Variants in CREB5 observed in about 807,000 individuals in gnomAD.
The protein encoded by CREB5 is cyclic AMP-responsive element-binding protein 5.
In CREB5, 19 loss-of-function variants were observed where a neutral mutation model predicts 57.1. The observed-to-expected ratio is 0.33, with a 90% CI of 0.23 to 0.49. CREB5 has a LOEUF of 0.49. CREB5 is among the 20% of genes least tolerant of loss of function. CREB5 has a pLI of 0.99. For synonymous variants in CREB5, 238 were observed against 238.3 expected (o/e 1.00, Z 0.01); for missense variants, 579 against 671.6 (o/e 0.86, Z 1.52).
intron 3 of CREB5, among the ~76,000 whole-genome samples, chr7:28,504,809 AT>A (rs1470942745): frequency 6.6e-6 from 1 of 152,064 alleles, no homozygotes; most frequent in Non-Finnish European, 1.5e-5. Context: ...ATCCTTGGGG[AT>A]TTCTTTGACA....
intron 3 of CREB5, among the ~76,000 whole-genome samples, chr7:28,507,235 T>C (rs1019197974): frequency 2.0e-4 from 31 of 152,298 alleles, no homozygotes; most frequent in African/African-American, 7.5e-4. Context: ...AGATTTTTTT[T>C]TGGCCTTATT....
At chr7:28,778,093 G>A (rs1445494710) in intron 7 of CREB5, among the ~76,000 whole-genome samples, 1 of 152,118 alleles carries the variant, frequency 6.6e-6, no homozygotes, top group Non-Finnish European at 1.5e-5. Context: ...ATTATGGTGG[G>A]AAAGATGACA....
At chr7:28,666,591 A>G (rs1356497819) in intron 5 of CREB5, among the ~76,000 whole-genome samples, 3 of 152,230 alleles carry the variant, frequency 2.0e-5, no homozygotes, top group Middle Eastern at 3.4e-3. Flanking sequence ...GATAGCCCAA[A>G]GAAAGGGAAG....
intron 1 of CREB5, among the ~76,000 whole-genome samples, chr7:28,402,538 A>T (rs1008235767): frequency 6.6e-6 from 1 of 152,208 alleles, no homozygotes; most frequent in African/African-American, 2.4e-5. Flanking sequence ...CAACCATCTG[A>T]TCTTTGACAA....
At chr7:28,578,814 A>G (rs1257355202) in intron 5 of CREB5, among the ~76,000 whole-genome samples, 1 of 152,250 alleles carries the variant, frequency 6.6e-6, no homozygotes, top group Non-Finnish European at 1.5e-5. Flanking sequence ...GTTTCACCAA[A>G]TAAATTTTCT....
intron 7 of CREB5, among the ~76,000 whole-genome samples, chr7:28,783,474 C>T (rs1033390498): frequency 6.6e-6 from 1 of 152,112 alleles, no homozygotes; most frequent in Non-Finnish European, 1.5e-5. Flanking sequence ...TTGTAAGACT[C>T]ATGAGGAAAA....
intron 1 of CREB5, among the ~76,000 whole-genome samples, chr7:28,483,370 G>A (rs894944835): frequency 2.6e-5 from 4 of 152,118 alleles, no homozygotes; most frequent in African/African-American, 9.7e-5. Flanking sequence ...GCAGTCGAGG[G>A]TTTGAATTGT....
chr7:28,636,292 AG>A, intron 5 of CREB5, among the ~76,000 whole-genome samples: 2 of 152,118 alleles, frequency 1.3e-5, no homozygotes, highest in Middle Eastern at 6.8e-3. Flanking sequence ...GGGAGGGAGG[AG>A]GGATATGGAG....
chr7:28,448,638 C>T (rs1416156935), intron 1 of CREB5, among the ~76,000 whole-genome samples: 2 of 152,348 alleles, frequency 1.3e-5, no homozygotes, highest in Non-Finnish European at 2.9e-5. Context: ...CTTCAGGTAG[C>T]TTGGCTGGTC....
chr7:28,678,855 C>A (rs1003998694), intron 5 of CREB5, among the ~76,000 whole-genome samples: 9 of 152,290 alleles, frequency 5.9e-5, no homozygotes, highest in African/African-American at 1.7e-4. Context: ...CTTGCAGAAA[C>A]CCTCTTAATA....
At chr7:28,585,465 T>C (rs982417270) in intron 5 of CREB5, among the ~76,000 whole-genome samples, 1 of 152,224 alleles carries the variant, frequency 6.6e-6, no homozygotes, top group African/African-American at 2.4e-5. Flanking sequence ...TCTCAGCCCC[T>C]CAGCCGGAGG....
chr7:28,774,539 A>G (rs1806514727), intron 7 of CREB5, among the ~76,000 whole-genome samples: 1 of 152,226 alleles, frequency 6.6e-6, no homozygotes, highest in South Asian at 2.1e-4. Context: ...GCCATATGGT[A>G]TTACATAATT....
At chr7:28,323,937 A>G (rs1332863548) in intron 1 of CREB5, among the ~76,000 whole-genome samples, 1 of 152,158 alleles carries the variant, frequency 6.6e-6, no homozygotes, top group Non-Finnish European at 1.5e-5. Context: ...GGAGGATGCA[A>G]CCTAGATCCC....
chr7:28,417,353 C>CTTT lies in CREB5; in HGVS notation c.3+4447_3+4449dup, dbSNP rs11433698. ...TACTTTACATTCTCTCTTTCTCTCTCTTTTTTTTTTTTTGGTACTAAATCT... is the reference window on the plus strand; with the variant it reads ...TACTTTACATTCTCTCTTTCTCTCTCTTTTTTTTTTTTTTTTGGTACTAAATCT... On this transcript the variant is annotated intron_variant, in intron 1 of 10. Coordinates refer to ENST00000357727, the MANE Select transcript of CREB5 (RefSeq NM_182898.4). Among the ~76,000 whole-genome samples, 750 of 145,050 alleles carry CTTT rather than the reference C, an allele frequency of 5.2e-3. 8 individuals are homozygous for CTTT. Among genetic ancestry groups the CTTT allele is most frequent in the African/African-American group, 0.018 (707 of 39,642 alleles).
chr7:28,651,110 G>A (rs999755682), intron 5 of CREB5, among the ~76,000 whole-genome samples: 1 of 152,028 alleles, frequency 6.6e-6, no homozygotes, highest in Non-Finnish European at 1.5e-5. Context: ...TCAATTAATA[G>A]GAAAAGTGGG....
Position 28,560,841 on chromosome 7 carries a change from T to TGCGTGCGTGTGCGCGCGTGC in CREB5, c.292-9523_292-9522insCGTGCGTGTGCGCGCGTGCG, listed in dbSNP as rs1562797105. Among the ~76,000 whole-genome samples the TGCGTGCGTGTGCGCGCGTGC allele has an allele frequency of 1.7e-4, 13 of 75,060 alleles. 1 individual carries two copies. The highest frequency in any genetic ancestry group is 2.9e-4 in the Non-Finnish European group (10 of 34,432). The allele number at this position is 75,060 out of a possible 152,430, so 49.2% of individuals were successfully genotyped here. A position where few individuals can be genotyped will look rare whatever the true frequency, so the allele number is the denominator to read the frequency against. ...GTGTGTGCGCGCGCGCGCGTGTGTG[T>TGCGTGCGTGTGCGCGCGTGC]GTGCGCGTGTGTGTGTGCGTGTGCC... On this transcript the variant is annotated intron_variant, in intron 4 of 10. Coordinates refer to ENST00000357727, the MANE Select transcript of CREB5 (RefSeq NM_182898.4).
At chr7:28,809,842 C>A (rs1477673748) in intron 9 of CREB5, among the ~76,000 whole-genome samples, 1 of 152,172 alleles carries the variant, frequency 6.6e-6, no homozygotes, top group Non-Finnish European at 1.5e-5. Context: ...CAGTGCCTGG[C>A]CCATAACAAA....
intron 5 of CREB5, among the ~76,000 whole-genome samples, chr7:28,585,443 G>A (rs1366109254): frequency 1.3e-5 from 2 of 152,184 alleles, no homozygotes; most frequent in African/African-American, 2.4e-5. Flanking sequence ...CTTTTAGGTG[G>A]TGCCTAATGC....
At chr7:28,452,407 GC>G (rs1184908089) in intron 1 of CREB5, among the ~76,000 whole-genome samples, 6 of 152,050 alleles carry the variant, frequency 3.9e-5, no homozygotes, top group Admixed American at 3.9e-4. Context: ...TTATAAAAAT[GC>G]CCTAAATGTA....
Sources: allele counts gnomAD v4.1 joint callset (sites outside exome capture counted in the v4.1 genomes callset), GRCh38; gene constraint gnomAD v4.1.1; transcripts MANE v1.5; gene names NCBI Gene and HGNC (gene_info 2026-07-23, HGNC 2026-07-21).